NEK11: variants seen among roughly 807,000 people sequenced by gnomAD.
The protein encoded by NEK11 is NIMA related kinase 11, also known as serine/threonine-protein kinase Nek11.
In NEK11, 72 loss-of-function variants were observed where a neutral mutation model predicts 80.7. The observed-to-expected ratio is 0.89, with a 90% CI of 0.74 to 1.08. The LOEUF (loss-of-function observed/expected upper bound fraction) is 1.08, where lower values mean the gene tolerates loss of function less well. Among genes scored for constraint, NEK11 ranks in the 50% least tolerant of loss-of-function variants. The pLI is 0.00. For synonymous variants in NEK11, 251 were observed against 260.7 expected, an observed-to-expected ratio of 0.96 and a Z score of 0.36; for missense variants, 764 against 763.6, an observed-to-expected ratio of 1.00 and a Z score of -0.01.
intron 5 of NEK11, among the ~76,000 whole-genome samples, chr3:131,121,639 T>A (rs2082396155): frequency 6.6e-6 from 1 of 152,192 alleles, no homozygotes; most frequent in Non-Finnish European, 1.5e-5. Context: ...TCCACCCAGT[T>A]TGAGCTTCCA....
chr3:131,088,434 G>A (rs2149115302), intron 4 of NEK11, among the ~76,000 whole-genome samples: 1 of 152,206 alleles, frequency 6.6e-6, no homozygotes, highest in Non-Finnish European at 1.5e-5. Context: ...TAGTTTCATT[G>A]AAAAGAAATG....
At chr3:131,113,493 T>A (rs1430403608) in intron 5 of NEK11, among the ~76,000 whole-genome samples, 1 of 152,316 alleles carries the variant, frequency 6.6e-6, no homozygotes, top group South Asian at 2.1e-4. Context: ...CCAGAAAAGC[T>A]GTGCAGAATG....
intron 3 of NEK11, among the ~76,000 whole-genome samples, chr3:131,038,071 T>G (rs1219105961): frequency 1.4e-5 from 2 of 146,044 alleles, no homozygotes; most frequent in Non-Finnish European, 3.1e-5. Flanking sequence ...TTTCTCACAG[T>G]TAAAAAAAAA....
intron 16 of NEK11, among the ~76,000 whole-genome samples, chr3:131,268,433 G>A (rs1390327167): frequency 1.3e-5 from 2 of 152,176 alleles, no homozygotes; most frequent in Non-Finnish European, 2.9e-5. Context: ...CTTTGATGGT[G>A]ACCTTCAGAT....
chr3:131,134,406 ATT>A (rs35221767), intron 7 of NEK11: 27 of 147,920 alleles, frequency 1.8e-4, no homozygotes, highest in African/African-American at 4.5e-4. Flanking sequence ...AGGATAAACT[ATT>A]TTTTTTTTTT....
chr3:131,111,932 G>A (rs1189696450), intron 5 of NEK11, among the ~76,000 whole-genome samples: 1 of 152,142 alleles, frequency 6.6e-6, no homozygotes, highest in Non-Finnish European at 1.5e-5. Context: ...AACGATGACA[G>A]TAGCAAGTGT....
chr3:131,304,989 G>C (rs1448084489), intron 17 of NEK11, among the ~76,000 whole-genome samples: 1 of 151,950 alleles, frequency 6.6e-6, no homozygotes, highest in Non-Finnish European at 1.5e-5. Context: ...TGCAAGCAGG[G>C]GTGGGGTTGC....
chr3:131,151,433 A>C (rs2089621679), intron 7 of NEK11, among the ~76,000 whole-genome samples: 1 of 152,078 alleles, frequency 6.6e-6, no homozygotes, highest in African/African-American at 2.4e-5. Flanking sequence ...CAGTTTCATG[A>C]GTACCCACAA....
chr3:131,207,445 C>T (rs1392687084), intron 14 of NEK11, among the ~76,000 whole-genome samples: 4 of 151,990 alleles, frequency 2.6e-5, no homozygotes, highest in East Asian at 1.9e-4. Context: ...TAGCTGGGCG[C>T]GGTGGCAGGC....
At chr3:131,340,074 G>A (rs1300295604) in intron 17 of NEK11, among the ~76,000 whole-genome samples, 2 of 152,202 alleles carry the variant, frequency 1.3e-5, no homozygotes, top group African/African-American at 2.4e-5. Flanking sequence ...ATCAGGCAGT[G>A]TTATTGGACA....
intron 17 of NEK11, among the ~76,000 whole-genome samples, chr3:131,276,799 T>C (rs573387564): frequency 6.6e-6 from 1 of 152,318 alleles, no homozygotes; most frequent in South Asian, 2.1e-4. Flanking sequence ...CATACTATTA[T>C]TTAACATACA....
chr3:131,244,843 G>A (rs2095573330), intron 16 of NEK11, among the ~76,000 whole-genome samples: 1 of 152,090 alleles, frequency 6.6e-6, no homozygotes, highest in Non-Finnish European at 1.5e-5. Context: ...GAGATTCCTT[G>A]AGCCCAAGAG....
chr3:131,187,100 A>T (rs1579818381), intron 14 of NEK11, among the ~76,000 whole-genome samples: 1 of 152,300 alleles, frequency 6.6e-6, no homozygotes, highest in Non-Finnish European at 1.5e-5. Context: ...AGGAGCACAC[A>T]CTGAAAGCAA....
intron 14 of NEK11, among the ~76,000 whole-genome samples, chr3:131,183,159 C>G (rs1219581614): frequency 6.6e-6 from 1 of 152,180 alleles, no homozygotes; most frequent in Non-Finnish European, 1.5e-5. Context: ...TAAGAAAGAG[C>G]AGATTTTAGA....
chr3:131,232,869 G>A (rs1318373671), intron 15 of NEK11, among the ~76,000 whole-genome samples: 3 of 152,078 alleles, frequency 2.0e-5, no homozygotes, highest in Non-Finnish European at 4.4e-5. Context: ...TTTGCATGCT[G>A]TGTCAGTTCA....
chr3:131,031,618 G>A (rs1172252693), intron 3 of NEK11, among the ~76,000 whole-genome samples: 1 of 152,198 alleles, frequency 6.6e-6, no homozygotes, highest in South Asian at 2.1e-4. Flanking sequence ...AGTGGAGAGA[G>A]TGTGTTTGTA....
intron 12 of NEK11, among the ~76,000 whole-genome samples, 185 bp downstream of exon 12, chr3:131,165,704 G>A (rs1244292634): frequency 2.0e-5 from 3 of 152,170 alleles, no homozygotes; most frequent in Non-Finnish European, 4.4e-5. Context: ...CGGCTGTAGC[G>A]AGAGGTGGAT....
At chr3:131,180,671 T>C (rs1180625489) in intron 14 of NEK11, among the ~76,000 whole-genome samples, 2 of 152,206 alleles carry the variant, frequency 1.3e-5, no homozygotes, top group African/African-American at 4.8e-5. Context: ...AATATCATAT[T>C]GTACTTTACA....
intron 11 of NEK11, 74 bp downstream of exon 11, chr3:131,162,601 G>C: frequency 6.4e-7 from 1 of 1,568,984 alleles, no homozygotes; most frequent in Non-Finnish European, 8.6e-7. Flanking sequence ...ACAGAGAAAA[G>C]CAAAAACCAA....
Sources: allele counts gnomAD v4.1 joint callset (sites outside exome capture counted in the v4.1 genomes callset), GRCh38; gene constraint gnomAD v4.1.1; transcripts MANE v1.5; gene names NCBI Gene and HGNC (gene_info 2026-07-23, HGNC 2026-07-21).